Variants in RBAK observed in about 807,000 individuals in gnomAD.
The protein encoded by RBAK is RB associated KRAB zinc finger.
A neutral mutation model predicts 65.8 loss-of-function variants in RBAK; 39 were observed. That is an observed-to-expected ratio of 0.59 (90% CI 0.46 to 0.77). RBAK has a LOEUF of 0.77. Among genes scored for constraint, RBAK ranks in the 30% least tolerant of loss-of-function variants. The pLI is 0.00. For missense variants in RBAK, 884 were observed against 855.1 expected (o/e 1.03, Z -0.42); for synonymous variants, 343 against 289.7 (o/e 1.18, Z -1.87).
At chr7:5,058,240 A>C (rs1778976127) in intron 4 of RBAK, among the ~76,000 whole-genome samples, 1 of 151,982 alleles carries the variant, frequency 6.6e-6, no homozygotes, top group South Asian at 2.1e-4. Flanking sequence ...ACGCCTGGCT[A>C]ATTTTTATAT....
At chr7:5,063,024 G>A (rs981633622) in intron 4 of RBAK, among the ~76,000 whole-genome samples, 1 of 152,100 alleles carries the variant, frequency 6.6e-6, no homozygotes, top group African/African-American at 2.4e-5. Context: ...GTCCTGAGGC[G>A]ACATACATCC....
At chr7:5,055,744 C>G (rs1232781430) in intron 2 of RBAK, among the ~76,000 whole-genome samples, 13 of 151,290 alleles carry the variant, frequency 8.6e-5, no homozygotes, top group Non-Finnish European at 8.8e-5. Context: ...CCCCTACTAC[C>G]TCCTTGCCTT....
At chr7:5,049,342 T>C (rs1451675514) in intron 2 of RBAK, among the ~76,000 whole-genome samples, 1 of 152,206 alleles carries the variant, frequency 6.6e-6, no homozygotes, top group East Asian at 1.9e-4. Flanking sequence ...TCCTAGATCA[T>C]GGGGGGAATG....
chr7:5,058,301 C>G (rs983258868), intron 4 of RBAK, among the ~76,000 whole-genome samples: 4 of 152,260 alleles, frequency 2.6e-5, no homozygotes, highest in South Asian at 2.1e-4. Flanking sequence ...TCTTGAACTC[C>G]TGGCCTCAAG....
rs1332887121 is a variant in RBAK, at chr7:5,067,280, A to G, written c.*1679A>G. On this transcript the variant is annotated 3_prime_UTR_variant, in exon 5 of 5. Coordinates refer to ENST00000396912, the MANE Select transcript of RBAK (RefSeq NM_021163.4). ...AAAACGAAAAAGAATATAAATCTCTATTTGCAGATGCCATGAGTAAATTTG... is the reference window on the plus strand; with the variant it reads ...AAAACGAAAAAGAATATAAATCTCTGTTTGCAGATGCCATGAGTAAATTTG... The G allele has an allele frequency of 6.6e-6, 1 of 152,208 alleles. No homozygotes were observed. The highest frequency in any genetic ancestry group is 2.4e-5 in the African/African-American group (1 of 41,476). The allele number at this position is 152,208 out of a possible 1,614,324, so 9.4% of individuals were successfully genotyped here. A position where few individuals can be genotyped will look rare whatever the true frequency, so the allele number is the denominator to read the frequency against.
Position 5,063,932 on chromosome 7 carries a change from G to T in RBAK, c.476G>T (p.Arg159Met). 1 of 1,613,980 alleles carries T rather than the reference G, an allele frequency of 6.2e-7. No individual in the cohort carries two copies. The highest frequency in any genetic ancestry group is 8.5e-7 in the Non-Finnish European group (1 of 1,179,948). ...QLISSDGSYA[R>M]TKPDECNECG... is the part of the protein sequence containing the mutation. The stretch of plus-strand genomic sequence containing the variant: ...ATTAGTAGTGATGGAAGCTATGCTA[G>T]GACAAAACCTGATGAGTGTAATGAA... The change falls in exon 5 of 5, where the codon AGG becomes ATG. Residue 159 changes from arginine to methionine, a missense_variant. Coordinates refer to ENST00000396912, the MANE Select transcript of RBAK (RefSeq NM_021163.4).
At chr7:5,059,036 C>G (rs1294447368) in intron 4 of RBAK, among the ~76,000 whole-genome samples, 1 of 152,162 alleles carries the variant, frequency 6.6e-6, no homozygotes, top group Non-Finnish European at 1.5e-5. Context: ...TGTGCACATT[C>G]CAAAATCATG....
chr7:5,052,375 G>T (rs1355147928), intron 2 of RBAK, among the ~76,000 whole-genome samples: 1 of 152,084 alleles, frequency 6.6e-6, no homozygotes, highest in African/African-American at 2.4e-5. Context: ...AACTAGTTAG[G>T]TTATAGTCCA....
chr7:5,048,864 G>A lies in RBAK; in HGVS notation c.15+773G>A, dbSNP rs11974686. On this transcript the variant is annotated intron_variant, in intron 2 of 4. Coordinates refer to ENST00000396912, the MANE Select transcript of RBAK (RefSeq NM_021163.4). The surrounding 1 kb of genome is among the most constrained non-coding windows in gnomAD (Gnocchi z 4.4). ...TCACCAGAGCAGGAGGAAGAGGGAG[G>A]GGGAGGCGCTACACACTTTTAAACA... Among the ~76,000 whole-genome samples, 1,428 of 152,124 alleles carry A rather than the reference G, an allele frequency of 9.4e-3. 19 individuals carry two copies. Among genetic ancestry groups the A allele is most frequent in the African/African-American group, 0.03 (1,260 of 41,430 alleles).
At chr7:5,055,980 T>C (rs1276961004) in intron 2 of RBAK, among the ~76,000 whole-genome samples, 1 of 152,232 alleles carries the variant, frequency 6.6e-6, no homozygotes, top group African/African-American at 2.4e-5. Context: ...GCAGCCTGCT[T>C]ACTGGGCACT....
chr7:5,059,641 C>T (rs1486676124), intron 4 of RBAK, among the ~76,000 whole-genome samples: 15 of 152,168 alleles, frequency 9.9e-5, no homozygotes, highest in Non-Finnish European at 2.1e-4. Flanking sequence ...AAGGTTAGCT[C>T]CTTGAAGTTT....
At chr7:5,050,049 C>CG (rs1788082256) in intron 2 of RBAK, among the ~76,000 whole-genome samples, 1 of 152,178 alleles carries the variant, frequency 6.6e-6, no homozygotes, top group Non-Finnish European at 1.5e-5. Flanking sequence ...ATTGCTCAGA[C>CG]TGGTCTCAAA....
intron 1 of RBAK, among the ~76,000 whole-genome samples, 190 bp downstream of exon 1, chr7:5,046,586 T>C (rs537759577): frequency 2.5e-4 from 38 of 152,232 alleles, no homozygotes; most frequent in African/African-American, 8.2e-4. Context: ...ACGAGGCTTA[T>C]GGGGGCCTGG....
At chr7:5,047,538 C>T (rs1175426355) in intron 1 of RBAK, among the ~76,000 whole-genome samples, 1 of 151,474 alleles carries the variant, frequency 6.6e-6, no homozygotes, top group Non-Finnish European at 1.5e-5. Context: ...CTGATTACTA[C>T]CTGATTATCT....
chr7:5,050,329 A>G (rs1451053900), intron 2 of RBAK, among the ~76,000 whole-genome samples: 2 of 152,326 alleles, frequency 1.3e-5, no homozygotes, highest in East Asian at 1.9e-4. Flanking sequence ...TTTAAAAAAT[A>G]TATCTTTTAT....
intron 2 of RBAK, among the ~76,000 whole-genome samples, chr7:5,054,277 C>G (rs1232888478): frequency 6.6e-6 from 1 of 151,992 alleles, no homozygotes; most frequent in African/African-American, 2.4e-5. Context: ...TGCTGGTACA[C>G]GCCTGTAATC....
rs369502461 is a variant in RBAK, at chr7:5,064,946, A to T, written c.1490A>T (p.Tyr497Phe). 1 of 1,614,032 alleles carries T rather than the reference A, an allele frequency of 6.2e-7. No homozygotes were observed. The highest frequency in any genetic ancestry group is 1.3e-5 in the African/African-American group (1 of 74,946). The part of the protein sequence containing the change: ...CSECGKFSQL[Y>F]LTDHHTAHLE... ...GAATGTGGAAAGTTCTCTCAGTTGT[A>T]TCTCACCGACCATCATACAGCTCAT... The change falls in exon 5 of 5, where the codon TAT becomes TTT. Residue 497 changes from tyrosine to phenylalanine, a missense_variant. Transcript: ENST00000396912. The surrounding 1 kb of genome is among the most constrained non-coding windows in gnomAD (Gnocchi z 6.3).
intron 4 of RBAK, among the ~76,000 whole-genome samples, chr7:5,060,031 G>C (rs183179203): frequency 2.6e-5 from 4 of 152,280 alleles, no homozygotes; most frequent in Non-Finnish European, 4.4e-5. Context: ...AGCTCTGATA[G>C]GAGTATATGC....
In RBAK at chr7:5,064,883, G is replaced by A. The variant is rs140646162; in HGVS notation, c.1427G>A (p.Arg476Gln). The change falls in exon 5 of 5, where the codon CGG (arginine) becomes CAG (glutamine). Residue 476 changes from arginine (R) to glutamine (Q), a missense_variant. Coordinates refer to ENST00000396912, the MANE Select transcript of RBAK (RefSeq NM_021163.4). This position sits in a 1 kb window ranked among gnomAD's most constrained non-coding sequence, Gnocchi z 6.3. ...FNLNSAFIRH[R>Q]KVHTEEKSHE... ...TTAAATTCAGCCTTCATTAGACATC[G>A]GAAAGTACACACAGAAGAGAAATCC... The A allele has an allele frequency of 2.9e-5, 46 of 1,613,474 alleles. No individual in the cohort carries two copies. Among genetic ancestry groups the A allele is most frequent in the East Asian group, 8.9e-5 (4 of 44,854 alleles).
Sources: allele counts gnomAD v4.1 joint callset (sites outside exome capture counted in the v4.1 genomes callset), GRCh38; gene constraint gnomAD v4.1.1; non-coding constraint Gnocchi (gnomAD v3.1); transcripts MANE v1.5; gene names NCBI Gene and HGNC (gene_info 2026-07-23, HGNC 2026-07-21).